The following SND1 variants were observed in gnomAD, a reference collection of about 807,000 sequenced individuals.
The protein encoded by SND1 is staphylococcal nuclease and tudor domain containing 1.
SND1 carries 38 observed loss-of-function variants against 121.7 expected under a neutral mutation model. The ratio of observed to expected loss-of-function variants is 0.31; its 90% CI spans 0.24 to 0.41. The LOEUF (loss-of-function observed/expected upper bound fraction) is 0.41, where lower values mean the gene tolerates loss of function less well. SND1 is among the 10% of genes least tolerant of loss of function. SND1 has a pLI of 1.00. For missense variants in SND1, 868 were observed against 1,184.6 expected, an observed-to-expected ratio of 0.73 and a Z score of 3.92; for synonymous variants, 401 against 447.4, an observed-to-expected ratio of 0.90 and a Z score of 1.31.
chr7:128,056,526 T>A (rs1793144469), intron 16 of SND1, among the ~76,000 whole-genome samples: 1 of 152,252 alleles, frequency 6.6e-6, no homozygotes, highest in Non-Finnish European at 1.5e-5. Flanking sequence ...TTCGATTCAT[T>A]TAGCAAACAT....
rs180895669 is a variant in SND1, at chr7:128,076,299, C to T, written c.1968+1609C>T. Among the ~76,000 whole-genome samples the T allele has an allele frequency of 3.5e-4, 54 of 152,224 alleles. 1 individual carries two copies. The highest frequency in any genetic ancestry group is 1.5e-5 in the Non-Finnish European group (1 of 68,040). On this transcript the variant is annotated intron_variant, in intron 17 of 23. Coordinates refer to ENST00000354725, the MANE Select transcript of SND1 (RefSeq NM_014390.4). ...TGAAAGAGCCCAAGTCACCATTTTG[C>T]TGGTGCCACTTGATGACGCTGAGGA...
At chr7:127,719,913 G>T (rs1218298672) in intron 9 of SND1, among the ~76,000 whole-genome samples, 2 of 152,028 alleles carry the variant, frequency 1.3e-5, no homozygotes, top group Non-Finnish European at 2.9e-5. Flanking sequence ...GCTGTTTTCT[G>T]TTACATATAA....
chr7:127,788,320 T>C (rs1033675777), intron 10 of SND1, among the ~76,000 whole-genome samples: 1 of 152,214 alleles, frequency 6.6e-6, no homozygotes, highest in African/African-American at 2.4e-5. Flanking sequence ...GAGTCCCTGT[T>C]GGAGACAAAT....
At chr7:127,676,985 AC>A (rs1795628283) in intron 1 of SND1, among the ~76,000 whole-genome samples, 1 of 152,026 alleles carries the variant, frequency 6.6e-6, no homozygotes, top group African/African-American at 2.4e-5. Context: ...CAGGTGATCC[AC>A]CCGCCTTGGC....
intron 15 of SND1, among the ~76,000 whole-genome samples, chr7:127,987,715 T>G (rs1216772923): frequency 6.6e-6 from 1 of 152,222 alleles, no homozygotes; most frequent in African/African-American, 2.4e-5. Flanking sequence ...AACTGGGTAT[T>G]TGTCCCACTA....
intron 15 of SND1, 132 bp downstream of exon 15, chr7:127,929,461 G>A: frequency 2.3e-6 from 2 of 883,464 alleles, no homozygotes; most frequent in Admixed American, 4.3e-5. Flanking sequence ...GTTGGGATAT[G>A]CAAACACAGT....
At chr7:127,744,440 C>T (rs147775446) in intron 10 of SND1, among the ~76,000 whole-genome samples, 2 of 152,222 alleles carry the variant, frequency 1.3e-5, no homozygotes, top group African/African-American at 4.8e-5. Flanking sequence ...TTCTTGTATC[C>T]ATACAACACC....
At chr7:127,961,022 C>G (rs1801718510) in intron 15 of SND1, among the ~76,000 whole-genome samples, 1 of 152,176 alleles carries the variant, frequency 6.6e-6, no homozygotes, top group Admixed American at 6.5e-5. Context: ...GAGGGTGCCT[C>G]AAACCCTAAC....
intron 16 of SND1, among the ~76,000 whole-genome samples, chr7:128,059,361 C>A (rs1793194875): frequency 6.6e-6 from 1 of 152,222 alleles, no homozygotes; most frequent in Non-Finnish European, 1.5e-5. Flanking sequence ...AAATCATAGG[C>A]TCTTTGAAGA....
chr7:127,931,082 G>A (rs1243195394), intron 15 of SND1, among the ~76,000 whole-genome samples: 3 of 152,168 alleles, frequency 2.0e-5, no homozygotes, highest in Non-Finnish European at 2.9e-5. Flanking sequence ...ATTGATAAAT[G>A]TTGTATGTGT....
intron 14 of SND1, among the ~76,000 whole-genome samples, chr7:127,919,879 A>C (rs547646495): frequency 6.6e-6 from 1 of 152,310 alleles, no homozygotes; most frequent in East Asian, 1.9e-4. Flanking sequence ...TTACGATTTG[A>C]GTAAAGTACC....
intron 12 of SND1, among the ~76,000 whole-genome samples, chr7:127,884,396 C>G (rs759936213): frequency 9.9e-5 from 15 of 152,154 alleles, no homozygotes; most frequent in Non-Finnish European, 1.8e-4. Context: ...AATAGACTGA[C>G]AGCCCAGCTG....
chr7:127,741,450 A>G (rs924482303), intron 10 of SND1, among the ~76,000 whole-genome samples: 8 of 152,156 alleles, frequency 5.3e-5, no homozygotes, highest in Non-Finnish European at 1.2e-4. Context: ...CTTGAGAACA[A>G]AATAAAACAA....
At chr7:127,782,028 C>G (rs1797733201) in intron 10 of SND1, among the ~76,000 whole-genome samples, 1 of 152,182 alleles carries the variant, frequency 6.6e-6, no homozygotes, top group Admixed American at 6.5e-5. Flanking sequence ...TCTTGATGAT[C>G]AAGCTGTAAT....
intron 12 of SND1, among the ~76,000 whole-genome samples, chr7:127,880,531 A>G (rs1225597911): frequency 6.6e-6 from 1 of 152,098 alleles, no homozygotes; most frequent in East Asian, 1.9e-4. Flanking sequence ...TTTATTCTGA[A>G]TATGTGCCCA....
At chr7:127,912,779 A>T (rs1800487436) in intron 14 of SND1, among the ~76,000 whole-genome samples, 1 of 152,226 alleles carries the variant, frequency 6.6e-6, no homozygotes, top group African/African-American at 2.4e-5. Context: ...CCACATATAT[A>T]GTGGGCAATA....
At chr7:127,746,716 T>C (rs1379922712) in intron 10 of SND1, among the ~76,000 whole-genome samples, 1 of 152,184 alleles carries the variant, frequency 6.6e-6, no homozygotes, top group African/African-American at 2.4e-5. Flanking sequence ...CTTTTGAGTA[T>C]GGTGGTGTCT....
intron 16 of SND1, among the ~76,000 whole-genome samples, chr7:128,005,104 A>G (rs1303436127): frequency 6.6e-6 from 1 of 152,252 alleles, no homozygotes; most frequent in East Asian, 1.9e-4. Flanking sequence ...AATTATAGTC[A>G]GTTGTTGAGA....
chr7:127,946,905 G>C (rs1405539903), intron 15 of SND1, among the ~76,000 whole-genome samples: 1 of 152,166 alleles, frequency 6.6e-6, no homozygotes, highest in African/African-American at 2.4e-5. Flanking sequence ...AGCTATTTAT[G>C]TATTTTTAGA....
Sources: gnomAD v4.1 joint callset for allele counts (sites outside exome capture counted in the v4.1 genomes callset) on GRCh38, gnomAD v4.1.1 for gene constraint, MANE v1.5 for transcripts, NCBI Gene and HGNC (gene_info 2026-07-23, HGNC 2026-07-21) for gene names.